Variants in CEACAM6 observed in about 807,000 individuals in gnomAD.
CEACAM6 encodes the protein CEA cell adhesion molecule 6, also known as cell adhesion molecule CEACAM6.
A neutral mutation model predicts 32.4 loss-of-function variants in CEACAM6; 21 were observed. That is an observed-to-expected ratio of 0.65 (90% CI 0.46 to 0.93). The LOEUF (loss-of-function observed/expected upper bound fraction) is 0.93. Among genes scored for constraint, CEACAM6 ranks in the 40% least tolerant of loss-of-function variants. The probability of loss-of-function intolerance (pLI) is 0.00; values close to 1 mark genes in which losing one functional copy is unlikely to be tolerated. For synonymous variants in CEACAM6, 184 were observed against 174.4 expected, an observed-to-expected ratio of 1.06 and a Z score of -0.43; for missense variants, 406 against 432.2, an observed-to-expected ratio of 0.94 and a Z score of 0.54.
chr19:41,762,006 C>A lies in CEACAM6; in HGVS notation c.741C>A (p.Ala247=). Residue 247 remains alanine, a synonymous_variant, in exon 4 of 6, where the codon GCC becomes GCA. Transcript: ENST00000199764. ...TCCCCACCATTTCCCCCTCAAAGGC[C>A]AATTACCGTCCAGGGGAAAATCTGA... is the stretch of plus-strand genomic sequence containing the variant. ...PDVPTISPSK[A]NYRPGENLNL... 1 of 1,614,142 alleles carries A rather than the reference C, an allele frequency of 6.2e-7. No homozygotes were observed. The highest frequency in any genetic ancestry group is 8.5e-7 in the Non-Finnish European group (1 of 1,179,996).
chr19:41,766,149 A>G, intron 4 of CEACAM6, 34 bp from the exon 5 acceptor site: 3 of 1,519,126 alleles, frequency 2.0e-6, no homozygotes, highest in Non-Finnish European at 2.7e-6. Context: ...GTAGAATAAC[A>G]TCACCTTCAT....
intron 5 of CEACAM6, 98 bp from the exon 6 acceptor site, chr19:41,770,704 C>T (rs1446825804): frequency 6.6e-6 from 1 of 152,012 alleles, no homozygotes; most frequent in African/African-American, 2.4e-5. Flanking sequence ...AATAAAGATG[C>T]CTATGAAGAG....
chr19:41,756,451 A>C, intron 1 of CEACAM6, 149 bp from the exon 2 acceptor site: 1 of 1,009,396 alleles, frequency 9.9e-7, no homozygotes, highest in Non-Finnish European at 1.4e-6. Flanking sequence ...TTGACTCAGT[A>C]GGACACACAC....
chr19:41,765,464 C>T (rs1276382425), intron 4 of CEACAM6, among the ~76,000 whole-genome samples: 1 of 152,154 alleles, frequency 6.6e-6, no homozygotes, highest in African/African-American at 2.4e-5. Context: ...TAGCTTTCAT[C>T]CACTGAGATG....
intron 2 of CEACAM6, among the ~76,000 whole-genome samples, 161 bp downstream of exon 2, chr19:41,757,120 C>G (rs1197570859): frequency 6.6e-6 from 1 of 152,086 alleles, no homozygotes; most frequent in African/African-American, 2.4e-5. Flanking sequence ...CAAACTTCCA[C>G]AGATCAGAAT....
intron 2 of CEACAM6, among the ~76,000 whole-genome samples, chr19:41,757,317 G>C (rs1484282986): frequency 1.3e-5 from 2 of 152,080 alleles, no homozygotes; most frequent in Non-Finnish European, 1.5e-5. Flanking sequence ...GGACCCCTCA[G>C]AGAGAAGCTC....
chr19:41,764,241 G>A (rs964471580), intron 4 of CEACAM6, among the ~76,000 whole-genome samples: 6 of 151,984 alleles, frequency 3.9e-5, no homozygotes, highest in East Asian at 1.9e-4. Flanking sequence ...ATTATTTACC[G>A]CACTCTTTTA....
chr19:41,761,744 C>G (rs2072925899), intron 3 of CEACAM6, among the ~76,000 whole-genome samples: 1 of 152,172 alleles, frequency 6.6e-6, no homozygotes, highest in Non-Finnish European at 1.5e-5. Flanking sequence ...ACACCCATTC[C>G]CATCATCACT....
chr19:41,760,104 C>G (rs1027679284), intron 2 of CEACAM6, among the ~76,000 whole-genome samples: 6 of 152,192 alleles, frequency 3.9e-5, no homozygotes, highest in African/African-American at 1.2e-4. Flanking sequence ...CCAAGCTGTA[C>G]AGCAAATCTC....
At position 41,761,307 on chromosome 19, in the gene CEACAM6, T is replaced by C. The variant is rs781833457; in HGVS notation, c.483T>C (p.Asp161=). Residue 161 remains aspartate (D), a synonymous_variant, in exon 3 of 6, where the codon GAT becomes GAC. Transcript: ENST00000199764. ...SNNSNPVEDK[D]AVAFTCEPEV... Reference sequence around the variant, plus strand: ...ACTCCAACCCCGTGGAGGACAAGGATGCTGTGGCCTTCACCTGTGAACCTG... The same window carrying C: ...ACTCCAACCCCGTGGAGGACAAGGACGCTGTGGCCTTCACCTGTGAACCTG... 19 of 1,614,066 alleles carry C rather than the reference T, an allele frequency of 1.2e-5. No homozygotes were observed. Among genetic ancestry groups the C allele is most frequent in the Non-Finnish European group, 1.5e-5 (18 of 1,180,030 alleles).
intron 2 of CEACAM6, among the ~76,000 whole-genome samples, chr19:41,757,439 G>A (rs782600868): frequency 2.6e-5 from 4 of 152,104 alleles, no homozygotes; most frequent in Non-Finnish European, 5.9e-5. Context: ...GGCAGGGCTG[G>A]CTGGGAGCAA....
At position 41,755,665 on chromosome 19, in the gene CEACAM6, C is replaced by A. The variant is rs2072880325; in HGVS notation, c.27C>A (p.Cys9Ter). The change falls in exon 1 of 6, where the codon TGC (cysteine) becomes TGA (stop). Residue 9 changes from cysteine (C) to a stop codon, truncating the protein, a stop_gained. Transcript: ENST00000199764. LOFTEE classifies it high-confidence loss of function. Reference protein sequence around the residue: MGPPSAPPCRLHVPWKEVL... With the variant: MGPPSAPP The stretch of plus-strand genomic sequence containing the variant: ...TGGGACCCCCCTCAGCCCCTCCCTG[C>A]AGATTGCATGTCCCCTGGAAGGAGG... 6.2e-7 allele frequency: 1 copy of A among 1,608,206 alleles called. No homozygotes were observed. Among genetic ancestry groups the A allele is most frequent in the Non-Finnish European group, 8.5e-7 (1 of 1,177,482 alleles).
rs2072887949 is a variant in CEACAM6 at position 41,756,665 on chromosome 19, A to C, written c.130A>C (p.Asn44His). ...GCTCACTATTGAATCCACGCCGTTC[A>C]ATGTCGCAGAGGGGAAGGAGGTTCT... ...AKLTIESTPF[N>H]VAEGKEVLLL... is the part of the protein sequence containing the mutation. Residue 44 changes from asparagine (N) to histidine (H), a missense_variant, in exon 2 of 6, where the codon AAT becomes CAT. Transcript: ENST00000199764. The C allele has an allele frequency of 5.0e-6, 8 of 1,614,112 alleles. No homozygotes were observed. The highest frequency in any genetic ancestry group is 1.6e-4 in the Middle Eastern group (1 of 6,062).
intron 4 of CEACAM6, among the ~76,000 whole-genome samples, chr19:41,764,621 CTCTT>C (rs1207035702): frequency 6.6e-6 from 1 of 152,186 alleles, no homozygotes; most frequent in Non-Finnish European, 1.5e-5. Context: ...TCTGAATCTT[CTCTT>C]TTTTTCTCAG....
At position 41,756,858 on chromosome 19, in the gene CEACAM6, T is replaced by A; in HGVS notation, c.323T>A (p.Leu108Gln). 6.2e-7 allele frequency: 1 copy of A among 1,614,196 alleles called. No individual in the cohort carries two copies. Among genetic ancestry groups the A allele is most frequent in the Non-Finnish European group, 8.5e-7 (1 of 1,180,036 alleles). ...ACAATATACCCCAATGCATCCCTGC[T>A]GATCCAGAACGTCACCCAGAATGAC... ...RETIYPNASL[L>Q]IQNVTQNDTG... The change falls in exon 2 of 6, where the codon CTG (leucine) becomes CAG (glutamine). Residue 108 changes from leucine (L) to glutamine (Q), a missense_variant. Coordinates refer to ENST00000199764, the MANE Select transcript of CEACAM6 (RefSeq NM_002483.7).
intron 2 of CEACAM6, among the ~76,000 whole-genome samples, chr19:41,760,859 G>T (rs976994943): frequency 1.3e-5 from 2 of 152,114 alleles, no homozygotes; most frequent in Non-Finnish European, 2.9e-5. Flanking sequence ...ATACAGCTAG[G>T]GGGGCAAAGT....
rs376555378 is a variant in CEACAM6 at position 41,756,814 on chromosome 19, C to T, written c.279C>T (p.Pro93=). Reference sequence around the variant, plus strand: ...GAACTCAACAAGCTACCCCAGGGCCCGCATACAGTGGTCGAGAGACAATAT... The same window carrying T: ...GAACTCAACAAGCTACCCCAGGGCCTGCATACAGTGGTCGAGAGACAATAT... ...VIGTQQATPG[P]AYSGRETIYP... Residue 93 remains proline (P), a synonymous_variant, in exon 2 of 6, where the codon CCC becomes CCT. Coordinates refer to ENST00000199764, the MANE Select transcript of CEACAM6 (RefSeq NM_002483.7). The T allele has an allele frequency of 1.2e-5, 19 of 1,614,132 alleles. No homozygotes were observed. The highest frequency in any genetic ancestry group is 4.5e-5 in the East Asian group (2 of 44,876).
At chr19:41,767,631 A>G (rs2072964168) in intron 5 of CEACAM6, among the ~76,000 whole-genome samples, 1 of 152,232 alleles carries the variant, frequency 6.6e-6, no homozygotes, top group Non-Finnish European at 1.5e-5. Context: ...GGACCCAGGC[A>G]TTGGTAATTT....
In CEACAM6 at chr19:41,761,421, C is replaced by T. The variant is rs2072923361; in HGVS notation, c.597C>T (p.Thr199=). The T allele has an allele frequency of 1.2e-6, 2 of 1,614,154 alleles. No individual in the cohort carries two copies. Among genetic ancestry groups the T allele is most frequent in the Non-Finnish European group, 1.7e-6 (2 of 1,180,040 alleles). The change falls in exon 3 of 6, where the codon ACC becomes ACT. Residue 199 remains threonine, a synonymous_variant. Transcript: ENST00000199764. The part of the protein sequence containing the change: ...PRLQLSNGNM[T]LTLLSVKRND... ...TGCAGCTGTCCAATGGCAACATGAC[C>T]CTCACTCTACTCAGCGTCAAAAGGA... is the stretch of plus-strand genomic sequence containing the variant.
Sources: gnomAD v4.1 joint callset for allele counts (sites outside exome capture counted in the v4.1 genomes callset) on GRCh38, gnomAD v4.1.1 for gene constraint, MANE v1.5 for transcripts, NCBI Gene and HGNC (gene_info 2026-07-23, HGNC 2026-07-21) for gene names.